Variants in ZNF681 observed in about 807,000 individuals in gnomAD.
ZNF681 encodes zinc finger protein 681, also known as hypothetical protein FLJ31526.
In ZNF681, 37 loss-of-function variants were observed where a neutral mutation model predicts 56.0. The ratio of observed to expected loss-of-function variants is 0.66; its 90% CI spans 0.51 to 0.87. The LOEUF (loss-of-function observed/expected upper bound fraction) is 0.87. Ranked by LOEUF, ZNF681 falls within the 40% of genes least tolerant of loss-of-function variation. The probability of loss-of-function intolerance (pLI) is 0.00; values close to 1 mark genes in which losing one functional copy is unlikely to be tolerated. For missense variants in ZNF681, 741 were observed against 744.9 expected, an observed-to-expected ratio of 0.99 and a Z score of 0.06; for synonymous variants, 225 against 248.6, an observed-to-expected ratio of 0.91 and a Z score of 0.89.
At chr19:23,753,481 A>G (rs1306901770) in intron 3 of ZNF681, among the ~76,000 whole-genome samples, 1 of 152,310 alleles carries the variant, frequency 6.6e-6, no homozygotes, top group Non-Finnish European at 1.5e-5. Context: ...CTTTACAATG[A>G]AAGATATATC....
intron 3 of ZNF681, among the ~76,000 whole-genome samples, chr19:23,745,684 CTCG>C (rs1968935514): frequency 6.6e-6 from 1 of 151,704 alleles, no homozygotes; most frequent in South Asian, 2.1e-4. Context: ...AATTCCTGAC[CTCG>C]TGATCTGCCC....
chr19:23,743,513 CCA>C lies in ZNF681; in HGVS notation c.*97_*98del, dbSNP rs1283461089. ...GTGTGAGCATTGGTTAAAAGTTTTG[CCA>C]CATTCTTCACACTTGTAGGTTTTTT... On this transcript the variant is annotated 3_prime_UTR_variant, in exon 4 of 4. Coordinates refer to ENST00000402377, the MANE Select transcript of ZNF681 (RefSeq NM_138286.3). The C allele has an allele frequency of 2.6e-6, 3 of 1,170,256 alleles. No homozygotes were observed. The highest frequency in any genetic ancestry group is 1.6e-5 in the African/African-American group (1 of 64,172). 72.5% of individuals were successfully genotyped at this position (1,170,256 alleles called of 1,614,324 possible).
rs1968870184 is a variant in ZNF681, at chr19:23,741,154, C to G, written c.*2458G>C. ...GAAACTAGGTAGAAACTCATACTCGCAAAGAAGGCATTTATTTACTCCATA... is the reference window on the plus strand; with the variant it reads ...GAAACTAGGTAGAAACTCATACTCGGAAAGAAGGCATTTATTTACTCCATA... On this transcript the variant is annotated 3_prime_UTR_variant, in exon 4 of 4. Transcript: ENST00000402377. The G allele has an allele frequency of 6.6e-6, 1 of 151,988 alleles. No homozygotes were observed. Among genetic ancestry groups the G allele is most frequent in the African/African-American group, 2.4e-5 (1 of 41,398 alleles). 9.4% of individuals were successfully genotyped at this position (151,988 alleles called of 1,614,324 possible).
At chr19:23,747,639 C>CAAAAAAAAAAA (rs57974422) in intron 3 of ZNF681, among the ~76,000 whole-genome samples, 1 of 96,824 alleles carries the variant, frequency 1.0e-5, no homozygotes, top group African/African-American at 4.0e-5. Context: ...GACTCCGTCT[C>CAAAAAAAAAAA]AAAAAAAAAA....
chr19:23,748,411 T>C (rs919251964), intron 3 of ZNF681, among the ~76,000 whole-genome samples: 3 of 152,164 alleles, frequency 2.0e-5, no homozygotes, highest in Non-Finnish European at 4.4e-5. Flanking sequence ...CCATGCTCCT[T>C]GAGGTTATCT....
At chr19:23,749,692 C>T (rs1223530441) in intron 3 of ZNF681, among the ~76,000 whole-genome samples, 1 of 152,026 alleles carries the variant, frequency 6.6e-6, no homozygotes, top group Non-Finnish European at 1.5e-5. Flanking sequence ...AAGCAATCCT[C>T]CTGCCTTAAG....
rs1238479498 is a variant in ZNF681 at position 23,755,420 on chromosome 19, C to T, written c.130+5G>A. ...ATAGGAATTGTATATTGAAGTTATCCTCACCCAAGAAGACCAGGTTTCTGT... is the reference window on the plus strand; with the variant it reads ...ATAGGAATTGTATATTGAAGTTATCTTCACCCAAGAAGACCAGGTTTCTGT... On this transcript the variant is annotated splice_donor_5th_base_variant and intron_variant, in intron 2 of 3. Transcript: ENST00000402377. The T allele has an allele frequency of 1.2e-6, 2 of 1,607,266 alleles. No individual in the cohort carries two copies. Among genetic ancestry groups the T allele is most frequent in the Non-Finnish European group, 1.7e-6 (2 of 1,177,292 alleles).
chr19:23,746,028 AG>A, intron 3 of ZNF681, among the ~76,000 whole-genome samples: 1 of 152,032 alleles, frequency 6.6e-6, no homozygotes, highest in South Asian at 2.1e-4. Flanking sequence ...TAAAGAAAAA[AG>A]GTTGGCAGGG....
chr19:23,756,481 G>A (rs1482051005), intron 1 of ZNF681, among the ~76,000 whole-genome samples: 3 of 152,180 alleles, frequency 2.0e-5, no homozygotes, highest in African/African-American at 7.2e-5. Flanking sequence ...ATGAGATCAT[G>A]TATTTTGCAG....
chr19:23,740,974 T>C lies in ZNF681; in HGVS notation c.*2638A>G, dbSNP rs879851205. 5.9e-5 allele frequency: 9 copies of C among 152,096 alleles called. No individual in the cohort carries two copies. Among genetic ancestry groups the C allele is most frequent in the Non-Finnish European group, 1.3e-4 (9 of 68,002 alleles). The allele number at this position is 152,096 out of a possible 1,614,324, so 9.4% of individuals were successfully genotyped here. ...AGGCAAGTAAAAACAAAAATTTGCA[T>C]AGGGAGATTCTGAATTATAAGCCAT... On this transcript the variant is annotated 3_prime_UTR_variant, in exon 4 of 4. Transcript: ENST00000402377.
At chr19:23,749,067 A>G (rs939068132) in intron 3 of ZNF681, among the ~76,000 whole-genome samples, 6 of 152,240 alleles carry the variant, frequency 3.9e-5, no homozygotes, top group African/African-American at 1.2e-4. Flanking sequence ...CTGTACCAGT[A>G]TTCACAAAAG....
In ZNF681 at chr19:23,751,279, C is replaced by T. The variant is rs905045559; in HGVS notation, c.226+3544G>A. 5.9e-5 allele frequency among the ~76,000 whole-genome samples: 9 copies of T among 151,724 alleles called. 1 individual carries two copies. In the South Asian group the frequency reaches 1.9e-3, roughly 31 times the overall value. ...ATCACCTGAAGTTGGGAGTTCAAGG[C>T]CAGCCTGACCAACATGGTGAAACCC... is the stretch of plus-strand genomic sequence containing the variant. On this transcript the variant is annotated intron_variant, in intron 3 of 3. Transcript: ENST00000402377.
At chr19:23,749,989 GA>G (rs1009941373) in intron 3 of ZNF681, among the ~76,000 whole-genome samples, 64 of 137,528 alleles carry the variant, frequency 4.7e-4, no homozygotes, top group South Asian at 1.4e-3. Context: ...AATCAACTAA[GA>G]AAAAAAAAAA....
At position 23,755,558 on chromosome 19, in the gene ZNF681, A is replaced by AACACACACACACACACAC. The variant is rs763001279; in HGVS notation, c.4-25_4-8dup. 6.8e-5 allele frequency: 87 copies of AACACACACACACACACAC among 1,277,512 alleles called. No individual in the cohort carries two copies. The African/African-American group carries it at 1.4e-3, about 21-fold the overall frequency. 79.1% of individuals were successfully genotyped at this position (1,277,512 alleles called of 1,614,324 possible). A position where few individuals can be genotyped will look rare whatever the true frequency, so the allele number is the denominator to read the frequency against. On this transcript the variant is annotated splice_polypyrimidine_tract_variant and splice_region_variant and intron_variant, in intron 1 of 3. Transcript: ENST00000402377. Reference sequence around the variant, plus strand: ...CCCTAAATTTCAATGGTTCCTGAAAAACACACACACACACACACACACACA... The same window carrying AACACACACACACACACAC: ...CCCTAAATTTCAATGGTTCCTGAAAAACACACACACACACACACACACACACACACACACACACACACA...
At position 23,745,307 on chromosome 19, in the gene ZNF681, A is replaced by G. The variant is rs1208479070; in HGVS notation, c.243T>C (p.Phe81=). 6.4e-7 allele frequency: 1 copy of G among 1,551,732 alleles called. No individual in the cohort carries two copies. The highest frequency in any genetic ancestry group is 8.7e-7 in the Non-Finnish European group (1 of 1,154,968). ...TCTGCTCTGGTGAAAAGTCTTGGGCAAAATGAGAACAAATAACTGAAAGAA... is the reference window on the plus strand; with the variant it reads ...TCTGCTCTGGTGAAAAGTCTTGGGCGAAATGAGAACAAATAACTGAAAGAA... ...VAEPPVICSH[F]AQDFSPEQNI... is the part of the protein sequence containing the mutation. The change falls in exon 4 of 4, where the codon TTT becomes TTC. Residue 81 remains phenylalanine (F), a synonymous_variant. Transcript: ENST00000402377.
At chr19:23,756,756 CAT>C (rs1453286094) in intron 1 of ZNF681, among the ~76,000 whole-genome samples, 1 of 151,870 alleles carries the variant, frequency 6.6e-6, no homozygotes, top group Non-Finnish European at 1.5e-5. Context: ...CACATGTACA[CAT>C]ATGTCACAAA....
chr19:23,750,421 T>C lies in ZNF681; in HGVS notation c.226+4402A>G, dbSNP rs1231715470. Reference sequence around the variant, plus strand: ...CATTGTGATAGACATATGGCTGATGTACCTCTTAAGTAAACCCCACATTGA... The same window carrying C: ...CATTGTGATAGACATATGGCTGATGCACCTCTTAAGTAAACCCCACATTGA... On this transcript the variant is annotated intron_variant, in intron 3 of 3. Coordinates refer to ENST00000402377, the MANE Select transcript of ZNF681 (RefSeq NM_138286.3). Among the ~76,000 whole-genome samples, 3 of 152,172 alleles carry C rather than the reference T, an allele frequency of 2.0e-5. No individual in the cohort carries two copies. The East Asian group carries it at 5.8e-4, about 29-fold the overall frequency.
At chr19:23,750,508 A>G (rs1323119339) in intron 3 of ZNF681, among the ~76,000 whole-genome samples, 1 of 151,976 alleles carries the variant, frequency 6.6e-6, no homozygotes, top group Non-Finnish European at 1.5e-5. Flanking sequence ...TAAAACTAAA[A>G]AGCACAAGAA....
chr19:23,745,300 C>A lies in ZNF681; in HGVS notation c.250G>T (p.Asp84Tyr). 1.3e-6 allele frequency: 2 copies of A among 1,558,736 alleles called. No homozygotes were observed. Among genetic ancestry groups the A allele is most frequent in the Non-Finnish European group, 1.7e-6 (2 of 1,158,190 alleles). The part of the protein sequence containing the change: ...PPVICSHFAQ[D>Y]FSPEQNIKDS... ...TTTATGTTCTGCTCTGGTGAAAAGT[C>A]TTGGGCAAAATGAGAACAAATAACT... Residue 84 changes from aspartate (D) to tyrosine (Y), a missense_variant, in exon 4 of 4, where the codon GAC becomes TAC. Coordinates refer to ENST00000402377, the MANE Select transcript of ZNF681 (RefSeq NM_138286.3).
Sources: gnomAD v4.1 joint callset for allele counts (sites outside exome capture counted in the v4.1 genomes callset) on GRCh38, gnomAD v4.1.1 for gene constraint, MANE v1.5 for transcripts, NCBI Gene and HGNC (gene_info 2026-07-23, HGNC 2026-07-21) for gene names.